The following UBXN2A variants were observed in gnomAD, a reference collection of about 807,000 sequenced individuals.
UBXN2A encodes UBX domain-containing protein 2A.
Under a neutral mutation model 28.4 loss-of-function variants are expected in UBXN2A, and 28 were observed. The ratio of observed to expected loss-of-function variants is 0.99; its 90% CI spans 0.73 to 1.35. UBXN2A has a LOEUF of 1.35. Ranked by LOEUF, UBXN2A falls within the 40% of genes most tolerant of loss-of-function variation. The pLI is 0.00. For synonymous variants in UBXN2A, 97 were observed against 103.6 expected (o/e 0.94, Z 0.39); for missense variants, 253 against 297.9 (o/e 0.85, Z 1.11).
At chr2:23,961,394 C>T (rs1037109819) in intron 2 of UBXN2A, among the ~76,000 whole-genome samples, 2 of 151,918 alleles carry the variant, frequency 1.3e-5, no homozygotes, top group African/African-American at 4.8e-5. Flanking sequence ...CCGTGCCTGG[C>T]CTGTACTTTG....
chr2:23,940,114 A>C (rs1558834077), upstream of UBXN2A, among the ~76,000 whole-genome samples: 1 of 151,210 alleles, frequency 6.6e-6, no homozygotes, highest in African/African-American at 2.4e-5. Context: ...TAGTCTCAAA[A>C]AAAAAAAAAA....
At chr2:23,987,823 A>G (rs934608368) in intron 6 of UBXN2A, among the ~76,000 whole-genome samples, 3 of 150,292 alleles carry the variant, frequency 2.0e-5, no homozygotes, top group Admixed American at 2.0e-4. Flanking sequence ...GTTCAAGAAC[A>G]ATATAAAGAA....
At chr2:23,963,331 A>G (rs896865419) in intron 2 of UBXN2A, among the ~76,000 whole-genome samples, 9 of 152,212 alleles carry the variant, frequency 5.9e-5, no homozygotes, top group African/African-American at 1.2e-4. Context: ...CCTGACCAAC[A>G]TGGTGAAACC....
intron 1 of UBXN2A, among the ~76,000 whole-genome samples, chr2:23,945,192 AGTAACCTTG>A (rs1266374018): frequency 4.6e-5 from 7 of 152,164 alleles, no homozygotes; most frequent in Non-Finnish European, 1.0e-4. Flanking sequence ...TGACTCAATA[AGTAACCTTG>A]CCAGTCTCTG....
At chr2:23,982,789 T>C in intron 4 of UBXN2A, 107 bp from the exon 5 acceptor site, 1 of 1,151,204 alleles carries the variant, frequency 8.7e-7, no homozygotes, top group Non-Finnish European at 1.2e-6. Flanking sequence ...TAGAATATTA[T>C]ATATTTCTGT....
At position 23,971,305 on chromosome 2, in the gene UBXN2A, C is replaced by G; in HGVS notation, c.71C>G (p.Pro24Arg). The change falls in exon 3 of 7, where the codon CCT becomes CGT. Residue 24 changes from proline to arginine, a missense_variant. By Grantham distance (103) the Pro-to-Arg change is moderately radical. Transcript: ENST00000309033. The stretch of plus-strand genomic sequence containing the variant: ...TGTGAAACAGGATCTGATAATCAAC[C>G]TCTTGGTAATAATCAACAATCAAAT... ...WVCETGSDNQ[P>R]LGNNQQSNCE... 1 of 1,567,756 alleles carries G rather than the reference C, an allele frequency of 6.4e-7. No homozygotes were observed. Among genetic ancestry groups the G allele is most frequent in the Non-Finnish European group, 8.7e-7 (1 of 1,147,200 alleles).
chr2:23,977,918 G>A (rs370795194), intron 4 of UBXN2A, among the ~76,000 whole-genome samples: 6 of 152,016 alleles, frequency 3.9e-5, no homozygotes, highest in East Asian at 3.9e-4. Context: ...TGCAGCCTCC[G>A]CCTACTGGGG....
chr2:23,928,103 A>G (rs114427692), intron 1 of UBXN2A, among the ~76,000 whole-genome samples: 3,390 of 151,964 alleles, frequency 0.022, 136 homozygotes, highest in African/African-American at 0.077. Flanking sequence ...TTGAACCCAG[A>G]AGATGGAGGT....
chr2:23,998,941 T>G (rs937193264), intron 6 of UBXN2A, among the ~76,000 whole-genome samples: 1 of 152,216 alleles, frequency 6.6e-6, no homozygotes, highest in African/African-American at 2.4e-5. Flanking sequence ...CTTTGTTTTC[T>G]TGCTTTTTAT....
At chr2:23,937,916 G>T (rs1705576300), upstream of UBXN2A, among the ~76,000 whole-genome samples, 1 of 152,124 alleles carries the variant, frequency 6.6e-6, no homozygotes, top group Non-Finnish European at 1.5e-5. Flanking sequence ...TTGCTCCCGG[G>T]CTACAAACCT....
chr2:23,928,592 A>T (rs1268190125), intron 1 of UBXN2A, among the ~76,000 whole-genome samples: 1 of 152,186 alleles, frequency 6.6e-6, no homozygotes, highest in Non-Finnish European at 1.5e-5. Flanking sequence ...AAAAAAAATA[A>T]AATTCACAGT....
rs1708673874 is a variant in UBXN2A at position 23,999,817 on chromosome 2, A to G, written c.730A>G (p.Ile244Val). ...AGCAGATTTACAGAATGCTGTCATC[A>G]TTCAGAGACTCCAAAAAACTGCATC... ...EEADLQNAVI[I>V]QRLQKTASFR... Residue 244 changes from isoleucine to valine, a missense_variant, in exon 7 of 7, where the codon ATT (isoleucine) becomes GTT (valine). Ile to Val is a conservative substitution (Grantham distance 29). Transcript: ENST00000309033. 1.2e-6 allele frequency: 2 copies of G among 1,613,940 alleles called. No individual in the cohort carries two copies. The highest frequency in any genetic ancestry group is 4.5e-5 in the East Asian group (2 of 44,884).
intron 1 of UBXN2A, among the ~76,000 whole-genome samples, chr2:23,931,604 A>G (rs145776555): frequency 7.0e-4 from 107 of 152,356 alleles, no homozygotes; most frequent in African/African-American, 2.4e-3. Context: ...AGGAATGCTC[A>G]GATCAAAAGC....
At position 23,928,414 on chromosome 2, in the gene UBXN2A, A is replaced by G. The variant is rs566910499; in HGVS notation, c.-138+799A>G. Among the ~76,000 whole-genome samples the G allele has an allele frequency of 2.4e-4, 37 of 152,106 alleles. No homozygotes were observed. The South Asian group carries it at 4.6e-3, about 19-fold the overall frequency. ...AACATGGTGAAACCCCCTCTCTACT[A>G]AAAATACAAAAAATTAGCCAGGTGT... On this transcript the variant is annotated intron_variant, in intron 1 of 7. Coordinates refer to the UBXN2A transcript ENST00000404924.
intron 4 of UBXN2A, among the ~76,000 whole-genome samples, chr2:23,982,304 T>C (rs547114033): frequency 6.6e-6 from 1 of 151,938 alleles, no homozygotes; most frequent in African/African-American, 2.4e-5. Context: ...GAGGCGGAGC[T>C]TGCAGTGGGC....
chr2:23,958,213 T>G (rs1232359471), intron 1 of UBXN2A, 88 bp from the exon 2 acceptor site: 1 of 989,378 alleles, frequency 1.0e-6, no homozygotes, highest in Non-Finnish European at 1.4e-6. Flanking sequence ...TTAGACACTT[T>G]TAAGTAATAC....
chr2:23,963,128 A>G (rs558276555), intron 2 of UBXN2A, among the ~76,000 whole-genome samples: 349 of 152,274 alleles, frequency 2.3e-3, no homozygotes, highest in African/African-American at 8.2e-3. Flanking sequence ...CCATGATTCA[A>G]TTACCTCCCA....
Position 23,966,643 on chromosome 2 carries a change from G to A in UBXN2A, c.42-4633G>A, listed in dbSNP as rs1306016081. Among the ~76,000 whole-genome samples, 301 of 149,012 alleles carry A rather than the reference G, an allele frequency of 2.0e-3. 8 individuals carry two copies. Among genetic ancestry groups the A allele is most frequent in the South Asian group, 4.2e-4 (2 of 4,724 alleles). On this transcript the variant is annotated intron_variant, in intron 2 of 6. Transcript: ENST00000309033. ...AATTTTTGTATTTTTAGTAGAGACG[G>A]GGTTTCACCGTGTTAGCCAGGATGG...
At chr2:23,945,773 A>G (rs1163774028) in intron 1 of UBXN2A, among the ~76,000 whole-genome samples, 4 of 151,954 alleles carry the variant, frequency 2.6e-5, no homozygotes, top group Non-Finnish European at 5.9e-5. Flanking sequence ...ATAAAATTGT[A>G]ATGTGCAATT....
Sources: gnomAD v4.1 joint callset for allele counts (sites outside exome capture counted in the v4.1 genomes callset) on GRCh38, gnomAD v4.1.1 for gene constraint, MANE v1.5 for transcripts, NCBI Gene and HGNC (gene_info 2026-07-23, HGNC 2026-07-21) for gene names.